Variants in GPD1L observed in about 807,000 individuals in gnomAD.
The protein encoded by GPD1L is glycerol-3-phosphate dehydrogenase 1-like protein.
GPD1L carries 17 observed loss-of-function variants against 32.9 expected under a neutral mutation model. The ratio of observed to expected loss-of-function variants is 0.52; its 90% CI spans 0.35 to 0.78. The LOEUF is 0.78. Among genes scored for constraint, GPD1L ranks in the 30% least tolerant of loss-of-function variants. The pLI, the probability that GPD1L is intolerant of heterozygous loss-of-function variation, is 0.01. For missense variants in GPD1L, 361 were observed against 447.8 expected (o/e 0.81, Z 1.75); for synonymous variants, 187 against 165.9 (o/e 1.13, Z -0.98).
At chr3:32,110,042 C>T (rs561989623) in intron 1 of GPD1L, among the ~76,000 whole-genome samples, 1 of 152,344 alleles carries the variant, frequency 6.6e-6, no homozygotes, top group East Asian at 1.9e-4. Flanking sequence ...CTCAGCCTCC[C>T]AGGTAGCTGG....
chr3:32,143,383 G>C (rs1156707828), intron 4 of GPD1L, among the ~76,000 whole-genome samples: 4 of 152,176 alleles, frequency 2.6e-5, no homozygotes, highest in African/African-American at 9.6e-5. Context: ...GAGCCACTGT[G>C]CCCAGCCTAT....
chr3:32,152,063 T>C (rs1312066156), intron 5 of GPD1L, among the ~76,000 whole-genome samples: 3 of 152,242 alleles, frequency 2.0e-5, no homozygotes, highest in Admixed American at 1.3e-4. Flanking sequence ...TTGGATTTTT[T>C]CTTTTTTGGA....
intron 2 of GPD1L, among the ~76,000 whole-genome samples, chr3:32,128,807 T>C (rs558371010): frequency 6.6e-6 from 1 of 152,350 alleles, no homozygotes; most frequent in Admixed American, 6.5e-5. Context: ...TGCCTTAGGC[T>C]GCTCCTGCTC....
At chr3:32,147,602 C>T (rs1220644099) in intron 5 of GPD1L, among the ~76,000 whole-genome samples, 2 of 152,124 alleles carry the variant, frequency 1.3e-5, no homozygotes, top group Admixed American at 1.3e-4. Context: ...ATTTCACTAT[C>T]ATCTACAAAA....
intron 1 of GPD1L, among the ~76,000 whole-genome samples, chr3:32,120,983 A>G (rs562664259): frequency 6.6e-6 from 1 of 152,258 alleles, no homozygotes; most frequent in African/African-American, 2.4e-5. Flanking sequence ...GACCTCCTGC[A>G]GGCGGGTGTC....
chr3:32,159,663 A>G lies in GPD1L; in HGVS notation c.948A>G (p.Gly316=), dbSNP rs1182936540. 6.3e-7 allele frequency: 1 copy of G among 1,596,614 alleles called. No individual in the cohort carries two copies. Among genetic ancestry groups the G allele is most frequent in the Admixed American group, 1.7e-5 (1 of 60,000 alleles). Residue 316 remains glycine, a synonymous_variant, in exon 7 of 8, where the codon GGA becomes GGG. Coordinates refer to ENST00000282541, the MANE Select transcript of GPD1L (RefSeq NM_015141.4). ...TGTACCGCATCCTCAAACAGAAGGG[A>G]CTACTGGACAAGTAAGTCTCTCAGT... The part of the protein sequence containing the change: ...AEVYRILKQK[G]LLDKFPLFTA...
intron 1 of GPD1L, among the ~76,000 whole-genome samples, chr3:32,126,412 A>G (rs1381777721): frequency 6.6e-6 from 1 of 152,108 alleles, no homozygotes; most frequent in Non-Finnish European, 1.5e-5. Flanking sequence ...CTGGTGTCTC[A>G]TAGTCCCTCG....
At chr3:32,124,869 G>A (rs1287415135) in intron 1 of GPD1L, among the ~76,000 whole-genome samples, 1 of 152,046 alleles carries the variant, frequency 6.6e-6, no homozygotes, top group Non-Finnish European at 1.5e-5. Flanking sequence ...GCTGCAGTGA[G>A]CCATGATTGC....
chr3:32,136,303 C>T (rs1288098899), intron 2 of GPD1L, among the ~76,000 whole-genome samples: 4 of 152,154 alleles, frequency 2.6e-5, no homozygotes. Flanking sequence ...TCAGGCTACT[C>T]CTGAAGAATA....
chr3:32,161,272 C>T (rs889583323), intron 7 of GPD1L, among the ~76,000 whole-genome samples: 1 of 152,064 alleles, frequency 6.6e-6, no homozygotes, highest in African/African-American at 2.4e-5. Flanking sequence ...TTTAAATTTG[C>T]ACTTTATTTT....
chr3:32,124,282 G>A (rs1700472300), intron 1 of GPD1L, among the ~76,000 whole-genome samples: 1 of 152,134 alleles, frequency 6.6e-6, no homozygotes, highest in Admixed American at 6.5e-5. Flanking sequence ...GGCCAGGATG[G>A]TCTCAATCTC....
intron 7 of GPD1L, among the ~76,000 whole-genome samples, chr3:32,164,588 T>C (rs1342490926): frequency 6.6e-6 from 1 of 152,208 alleles, no homozygotes; most frequent in African/African-American, 2.4e-5. Flanking sequence ...CAGTCCCATT[T>C]TACAGATGGG....
intron 7 of GPD1L, among the ~76,000 whole-genome samples, chr3:32,160,637 G>C (rs1004028865): frequency 7.3e-5 from 11 of 150,738 alleles, no homozygotes; most frequent in African/African-American, 2.7e-4. Context: ...TGGATGGGTG[G>C]GATGGGTGAA....
intron 7 of GPD1L, among the ~76,000 whole-genome samples, chr3:32,164,842 A>G (rs1423312644): frequency 2.0e-5 from 3 of 152,190 alleles, no homozygotes; most frequent in Non-Finnish European, 4.4e-5. Context: ...CTGTCCAGCT[A>G]ATTTTCAGGA....
At chr3:32,165,107 G>A (rs900698528) in intron 7 of GPD1L, among the ~76,000 whole-genome samples, 1 of 152,220 alleles carries the variant, frequency 6.6e-6, no homozygotes, top group African/African-American at 2.4e-5. Context: ...TCAGGAGACT[G>A]AGGCAGCAGA....
chr3:32,144,755 G>A lies in GPD1L; in HGVS notation c.506-1867G>A, dbSNP rs146055190. On this transcript the variant is annotated intron_variant, in intron 4 of 7. Transcript: ENST00000282541. ...GGCTGGAGTGCAGTGGCGTGATCTC[G>A]GCTCACAGCAACCTCCGCCCCCTGG... Among the ~76,000 whole-genome samples, 128 of 147,252 alleles carry A rather than the reference G, an allele frequency of 8.7e-4. 1 individual carries two copies. Among genetic ancestry groups the A allele is most frequent in the African/African-American group, 3.1e-3 (120 of 39,126 alleles).
At chr3:32,115,160 A>G (rs1287333669) in intron 1 of GPD1L, among the ~76,000 whole-genome samples, 1 of 152,082 alleles carries the variant, frequency 6.6e-6, no homozygotes, top group Non-Finnish European at 1.5e-5. Flanking sequence ...GGTCCATTTT[A>G]CAGAGTGCTG....
chr3:32,146,497 T>C, intron 4 of GPD1L, 125 bp from the exon 5 acceptor site: 1 of 699,060 alleles, frequency 1.4e-6, no homozygotes, highest in Non-Finnish European at 2.6e-6. Flanking sequence ...CTATGTGTTT[T>C]CTAAATATCC....
intron 1 of GPD1L, among the ~76,000 whole-genome samples, chr3:32,126,396 A>T (rs1472154397): frequency 6.6e-6 from 1 of 152,106 alleles, no homozygotes; most frequent in Non-Finnish European, 1.5e-5. Context: ...TACTAGACTT[A>T]GATTCCTGGT....
Sources: allele counts gnomAD v4.1 joint callset (sites outside exome capture counted in the v4.1 genomes callset), GRCh38; gene constraint gnomAD v4.1.1; transcripts MANE v1.5; gene names NCBI Gene and HGNC (gene_info 2026-07-23, HGNC 2026-07-21).